Variants in KMT5B observed in about 807,000 individuals in gnomAD.
KMT5B encodes the protein lysine methyltransferase 5B.
In KMT5B, 10 loss-of-function variants were observed where a neutral mutation model predicts 83.2. The ratio of observed to expected loss-of-function variants is 0.12; its 90% CI spans 0.07 to 0.20. The LOEUF (loss-of-function observed/expected upper bound fraction) is 0.20, where lower values mean the gene tolerates loss of function less well. KMT5B is among the 10% of genes least tolerant of loss of function. The pLI is 1.00. For synonymous variants in KMT5B, 349 were observed against 388.8 expected (o/e 0.90, Z 1.20); for missense variants, 753 against 1,067.2 (o/e 0.71, Z 4.10).
At chr11:68,202,257 T>C (rs1342300295) in intron 1 of KMT5B, among the ~76,000 whole-genome samples, 1 of 152,222 alleles carries the variant, frequency 6.6e-6, no homozygotes, top group Non-Finnish European at 1.5e-5. Context: ...ACCTGCTACA[T>C]GTTCAACTTT....
chr11:68,206,746 A>G (rs994265626), intron 1 of KMT5B, among the ~76,000 whole-genome samples: 3 of 152,178 alleles, frequency 2.0e-5, no homozygotes, highest in Admixed American at 2.0e-4. Context: ...ATTCTTCACA[A>G]AACTTTAATC....
intron 1 of KMT5B, among the ~76,000 whole-genome samples, chr11:68,201,108 G>C: frequency 6.6e-6 from 1 of 152,166 alleles, no homozygotes; most frequent in Non-Finnish European, 1.5e-5. Flanking sequence ...TTTCAAGAAT[G>C]ATTTCCAGTT....
chr11:68,160,137 C>T (rs1007092509), intron 10 of KMT5B, among the ~76,000 whole-genome samples: 1 of 152,202 alleles, frequency 6.6e-6, no homozygotes, highest in African/African-American at 2.4e-5. Context: ...TCTTTTGCTA[C>T]AGAATTTCTT....
chr11:68,213,033 C>T (rs1378378713), intron 1 of KMT5B, 105 bp downstream of exon 1: 3 of 119,008 alleles, frequency 2.5e-5, no homozygotes, highest in Non-Finnish European at 1.8e-5. Flanking sequence ...GGCCCCGGAG[C>T]CCTGCGACCG....
At chr11:68,189,653 C>T (rs1857825925) in intron 2 of KMT5B, 2 of 284,372 alleles carry the variant, frequency 7.0e-6, no homozygotes, top group African/African-American at 4.4e-5. Context: ...GACATATCAA[C>T]CATTCAGGTA....
chr11:68,185,126 C>T lies in KMT5B; in HGVS notation c.308+655G>A, dbSNP rs989556550. The stretch of plus-strand genomic sequence containing the variant: ...TCATGAAAAAAAGGGATGTACCCTA[C>T]TTTAGGTTGGAAATAATCATACACT... On this transcript the variant is annotated intron_variant, in intron 3 of 10. Transcript: ENST00000304363. Among the ~76,000 whole-genome samples the T allele has an allele frequency of 1.3e-4, 20 of 152,052 alleles. 1 individual carries two copies. The highest frequency in any genetic ancestry group is 4.6e-4 in the African/African-American group (19 of 41,420).
At chr11:68,184,737 C>T (rs1365179220) in intron 3 of KMT5B, among the ~76,000 whole-genome samples, 6 of 152,184 alleles carry the variant, frequency 3.9e-5, no homozygotes, top group Admixed American at 3.9e-4. Flanking sequence ...GCTAAAAAAC[C>T]CTTTGCCATA....
At chr11:68,205,343 T>A (rs1432938698) in intron 1 of KMT5B, among the ~76,000 whole-genome samples, 1 of 151,894 alleles carries the variant, frequency 6.6e-6, no homozygotes, top group Non-Finnish European at 1.5e-5. Flanking sequence ...ATAAAAAGTT[T>A]AAATCATACA....
chr11:68,172,674 G>A (rs1206413378), intron 6 of KMT5B, among the ~76,000 whole-genome samples: 1 of 152,136 alleles, frequency 6.6e-6, no homozygotes, highest in Non-Finnish European at 1.5e-5. Context: ...TACATTTCAA[G>A]GACTCAAGGG....
At chr11:68,187,819 T>C (rs768695067) in intron 2 of KMT5B, among the ~76,000 whole-genome samples, 1 of 152,188 alleles carries the variant, frequency 6.6e-6, no homozygotes, top group Non-Finnish European at 1.5e-5. Context: ...GCTCTGCTGC[T>C]GGGAAAGTCA....
At chr11:68,168,089 T>C (rs1311088290) in intron 9 of KMT5B, among the ~76,000 whole-genome samples, 1 of 152,172 alleles carries the variant, frequency 6.6e-6, no homozygotes, top group East Asian at 1.9e-4. Flanking sequence ...GGCAGAAGAA[T>C]TGCGTGAACC....
At chr11:68,210,780 A>G (rs1372421816) in intron 1 of KMT5B, among the ~76,000 whole-genome samples, 1 of 152,168 alleles carries the variant, frequency 6.6e-6, no homozygotes, top group Non-Finnish European at 1.5e-5. Context: ...GGGAGGACAC[A>G]TGGTCCCTAT....
rs151157132 is a variant in KMT5B, at chr11:68,206,602, C to T, written c.-77+6536G>A. Reference sequence around the variant, plus strand: ...GAGCAGACGAGTTATTTAACTTCACCGATGCCCCACCAGTACAATGAAAAG... The same window carrying T: ...GAGCAGACGAGTTATTTAACTTCACTGATGCCCCACCAGTACAATGAAAAG... On this transcript the variant is annotated intron_variant, in intron 1 of 10. Transcript: ENST00000304363. 4.9e-3 allele frequency among the ~76,000 whole-genome samples: 741 copies of T among 152,198 alleles called. 5 individuals are homozygous for T. Among genetic ancestry groups the T allele is most frequent in the Non-Finnish European group, 7.1e-3 (486 of 68,012 alleles).
chr11:68,181,924 T>C (rs1277768713), intron 3 of KMT5B, among the ~76,000 whole-genome samples: 1 of 152,220 alleles, frequency 6.6e-6, no homozygotes, highest in Non-Finnish European at 1.5e-5. Flanking sequence ...CCTGAAGTGC[T>C]GGCATTGCTA....
At chr11:68,173,357 T>C (rs975433080) in intron 6 of KMT5B, among the ~76,000 whole-genome samples, 11 of 152,230 alleles carry the variant, frequency 7.2e-5, no homozygotes, top group African/African-American at 2.4e-4. Context: ...ACTATTTTTA[T>C]TGAAGCTGGC....
intron 1 of KMT5B, among the ~76,000 whole-genome samples, chr11:68,208,630 A>G (rs1272674742): frequency 1.3e-5 from 2 of 152,184 alleles, no homozygotes; most frequent in Non-Finnish European, 2.9e-5. Context: ...ATGTTAGGAG[A>G]GAGACTAATG....
chr11:68,203,471 G>A (rs929369780), intron 1 of KMT5B, among the ~76,000 whole-genome samples: 4 of 152,150 alleles, frequency 2.6e-5, no homozygotes, highest in South Asian at 2.1e-4. Flanking sequence ...TTCCAAAGCC[G>A]TCTGCAATCA....
Position 68,171,216 on chromosome 11 carries a change from T to A in KMT5B, c.840+16A>T, listed in dbSNP as rs2153052026. 6.2e-7 allele frequency: 1 copy of A among 1,601,966 alleles called. No individual in the cohort carries two copies. The highest frequency in any genetic ancestry group is 8.5e-7 in the Non-Finnish European group (1 of 1,177,386). On this transcript the variant is annotated intron_variant, in intron 8 of 10. Coordinates refer to ENST00000304363, the MANE Select transcript of KMT5B (RefSeq NM_017635.5). This position sits in a 1 kb window ranked among gnomAD's most constrained non-coding sequence, Gnocchi z 5.1. The stretch of plus-strand genomic sequence containing the variant: ...GCAAAAACAAAATACTTGAAGAAAA[T>A]TTTTTTAATGCTTACCTTACAATTA...
chr11:68,205,924 G>A (rs1032651625), intron 1 of KMT5B, among the ~76,000 whole-genome samples: 8 of 152,080 alleles, frequency 5.3e-5, no homozygotes, highest in East Asian at 1.9e-4. Flanking sequence ...CCGGCCAGAC[G>A]TTCGCAATTC....
Sources: gnomAD v4.1 joint callset for allele counts (sites outside exome capture counted in the v4.1 genomes callset) on GRCh38, gnomAD v4.1.1 for gene constraint, Gnocchi (gnomAD v3.1) non-coding constraint, MANE v1.5 for transcripts, NCBI Gene and HGNC (gene_info 2026-07-23, HGNC 2026-07-21) for gene names.